CHD9: variants seen among roughly 807,000 people sequenced by gnomAD.
CHD9 encodes the protein chromodomain helicase DNA binding protein 9.
Under a neutral mutation model 316.1 loss-of-function variants are expected in CHD9, and 77 were observed. That is an observed-to-expected ratio of 0.24 (90% CI 0.20 to 0.29). The LOEUF (loss-of-function observed/expected upper bound fraction) is 0.29, where lower values mean the gene tolerates loss of function less well. Ranked by LOEUF, CHD9 falls within the 10% of genes least tolerant of loss-of-function variation. CHD9 has a pLI of 1.00. For missense variants in CHD9, 2,763 were observed against 3,438.1 expected, an observed-to-expected ratio of 0.80 and a Z score of 4.91; for synonymous variants, 1,129 against 1,158.3, an observed-to-expected ratio of 0.97 and a Z score of 0.51.
chr16:53,060,612 G>T (rs1011778859), intron 1 of CHD9, among the ~76,000 whole-genome samples: 1 of 151,990 alleles, frequency 6.6e-6, no homozygotes, highest in Non-Finnish European at 1.5e-5. Flanking sequence ...TGAAAAATTA[G>T]CCAGGTGTGG....
chr16:53,261,105 A>T (rs998944312), intron 19 of CHD9, among the ~76,000 whole-genome samples: 1 of 151,852 alleles, frequency 6.6e-6, no homozygotes, highest in African/African-American at 2.4e-5. Context: ...CAAAAAAAAA[A>T]AAAAGGGAAT....
At chr16:53,127,407 A>G (rs909681327) in intron 1 of CHD9, among the ~76,000 whole-genome samples, 32 of 152,364 alleles carry the variant, frequency 2.1e-4, no homozygotes, top group African/African-American at 7.5e-4. Context: ...ATGCTTATAT[A>G]GGGAATTTTC....
At chr16:53,222,777 AGAAAT>A in intron 4 of CHD9, 22 bp downstream of exon 4, 1 of 1,137,702 alleles carries the variant, frequency 8.8e-7, no homozygotes. Context: ...AATTTTTTCT[AGAAAT>A]GAAACACTGT....
intron 1 of CHD9, among the ~76,000 whole-genome samples, chr16:53,066,672 T>C (rs528729484): frequency 6.6e-6 from 1 of 152,254 alleles, no homozygotes; most frequent in East Asian, 1.9e-4. Context: ...TACAGTCTTC[T>C]TGGTGTGAGC....
intron 7 of CHD9, among the ~76,000 whole-genome samples, chr16:53,227,956 C>T (rs917374610): frequency 2.6e-5 from 4 of 151,782 alleles, no homozygotes; most frequent in East Asian, 3.9e-4. Context: ...TGTGGTGGCA[C>T]GCACCTGTAG....
chr16:53,268,964 G>A (rs766057820), intron 22 of CHD9, among the ~76,000 whole-genome samples: 3 of 151,734 alleles, frequency 2.0e-5, no homozygotes, highest in African/African-American at 7.3e-5. Flanking sequence ...CACCACACCC[G>A]GCTTTTAAAA....
intron 1 of CHD9, among the ~76,000 whole-genome samples, chr16:53,155,111 A>G (rs1234636101): frequency 6.6e-6 from 1 of 152,364 alleles, no homozygotes; most frequent in African/African-American, 2.4e-5. Context: ...ACAGACTTCC[A>G]CTGTAACTTA....
chr16:53,314,313 G>A, intron 34 of CHD9, 64 bp from the exon 35 acceptor site: 8 of 1,158,342 alleles, frequency 6.9e-6, no homozygotes, highest in Non-Finnish European at 9.6e-6. Context: ...TTAGGAAAGG[G>A]ATTACTTTCA....
At chr16:53,093,564 C>T (rs1208838701) in intron 1 of CHD9, among the ~76,000 whole-genome samples, 4 of 152,182 alleles carry the variant, frequency 2.6e-5, no homozygotes, top group Admixed American at 2.0e-4. Flanking sequence ...ATACAAGGTT[C>T]CTGCCTTCTA....
intron 32 of CHD9, among the ~76,000 whole-genome samples, chr16:53,307,391 T>A (rs933143006): frequency 1.3e-5 from 2 of 152,072 alleles, no homozygotes. Flanking sequence ...GGTCTCAATC[T>A]CCTGGCTTCA....
chr16:53,170,597 G>C (rs2042637003), intron 2 of CHD9, among the ~76,000 whole-genome samples: 1 of 151,704 alleles, frequency 6.6e-6, no homozygotes, highest in Non-Finnish European at 1.5e-5. Context: ...GTGTGTGTGT[G>C]TGTGTGTGTG....
At chr16:53,105,613 T>C (rs1345058261) in intron 1 of CHD9, among the ~76,000 whole-genome samples, 2 of 152,150 alleles carry the variant, frequency 1.3e-5, no homozygotes, top group East Asian at 1.9e-4. Flanking sequence ...TATTATTCCA[T>C]AGGAGAGTTT....
In CHD9 at chr16:53,325,985, TGTTGG is replaced by T. The variant is rs2057526839; in HGVS notation, c.*1094_*1098del. Reference sequence around the variant, plus strand: ...CAGACTAAATGTTGCCCAGAATCAGTGTTGGGTTATCAGTTTATATTAAATATACT... The same window carrying T: ...CAGACTAAATGTTGCCCAGAATCAGTGTTATCAGTTTATATTAAATATACT... On this transcript the variant is annotated 3_prime_UTR_variant, in exon 39 of 39. Coordinates refer to ENST00000447540, the MANE Select transcript of CHD9 (RefSeq NM_001308319.2). 1 of 152,520 alleles carries T rather than the reference TGTTGG, an allele frequency of 6.6e-6. No homozygotes were observed. The highest frequency in any genetic ancestry group is 1.5e-5 in the Non-Finnish European group (1 of 67,932). The allele number at this position is 152,520 out of a possible 1,614,324, so 9.4% of individuals were successfully genotyped here. A position where few individuals can be genotyped will look rare whatever the true frequency, so the allele number is the denominator to read the frequency against.
chr16:53,138,507 GT>G (rs1441320712), intron 1 of CHD9, among the ~76,000 whole-genome samples: 1 of 152,150 alleles, frequency 6.6e-6, no homozygotes, highest in Non-Finnish European at 1.5e-5. Context: ...TCAAGGTATG[GT>G]TTCATAGAAG....
intron 1 of CHD9, among the ~76,000 whole-genome samples, chr16:53,068,187 A>G (rs1340628859): frequency 6.6e-6 from 1 of 152,194 alleles, no homozygotes; most frequent in Non-Finnish European, 1.5e-5. Context: ...GCTGAAATAT[A>G]GAGCTAATAT....
intron 23 of CHD9, 91 bp from the exon 24 acceptor site, chr16:53,274,122 A>G: frequency 1.3e-6 from 1 of 785,490 alleles, no homozygotes; most frequent in South Asian, 1.5e-5. Flanking sequence ...TAAAATCTGT[A>G]CACAAATTCC....
rs1363376860 is a variant in CHD9 at position 53,156,956 on chromosome 16, C to G, written c.867C>G (p.Ser289=). The G allele has an allele frequency of 1.2e-6, 2 of 1,613,020 alleles. No individual in the cohort carries two copies. The highest frequency in any genetic ancestry group is 1.7e-6 in the Non-Finnish European group (2 of 1,179,274). The change falls in exon 2 of 39, where the codon TCC becomes TCG. Residue 289 remains serine, a synonymous_variant. Coordinates refer to ENST00000447540, the MANE Select transcript of CHD9 (RefSeq NM_001308319.2). The part of the protein sequence containing the change: ...NHISPNSLLQ[S]SAVLASNHTN... ...TATCACCAAACAGTCTACTTCAGTC[C>G]TCTGCAGTTCTTGCATCTAATCATA... is the stretch of plus-strand genomic sequence containing the variant.
rs576879020 is a variant in CHD9, at chr16:53,217,093, A to G, written c.1785-5551A>G. On this transcript the variant is annotated intron_variant, in intron 3 of 38. Transcript: ENST00000447540. ...GCCAGGATCCAATTCAGGATCCTACATTTCATTTTGTTGTCATATCTCCTT... is the reference window on the plus strand; with the variant it reads ...GCCAGGATCCAATTCAGGATCCTACGTTTCATTTTGTTGTCATATCTCCTT... Among the ~76,000 whole-genome samples, 148 of 152,150 alleles carry G rather than the reference A, an allele frequency of 9.7e-4. 1 individual carries two copies. The highest frequency in any genetic ancestry group is 1.6e-3 in the Non-Finnish European group (108 of 67,990).
chr16:53,298,050 T>C (rs1199570397), intron 30 of CHD9, among the ~76,000 whole-genome samples: 1 of 152,248 alleles, frequency 6.6e-6, no homozygotes, highest in Non-Finnish European at 1.5e-5. Flanking sequence ...AATATAGTGA[T>C]AGGAATATAT....
Sources: allele counts gnomAD v4.1 joint callset (sites outside exome capture counted in the v4.1 genomes callset), GRCh38; gene constraint gnomAD v4.1.1; transcripts MANE v1.5; gene names NCBI Gene and HGNC (gene_info 2026-07-23, HGNC 2026-07-21).